PATJ: variants seen among roughly 807,000 people sequenced by gnomAD.
PATJ encodes the protein inaD-like protein.
PATJ carries 190 observed loss-of-function variants against 224.9 expected under a neutral mutation model. The ratio of observed to expected loss-of-function variants is 0.84; its 90% confidence interval spans 0.75 to 0.95. The LOEUF is 0.95. Ranked by LOEUF, PATJ falls within the 40% of genes least tolerant of loss-of-function variation. The pLI is 0.00. For missense variants in PATJ, 2,121 were observed against 2,270.3 expected (o/e 0.93, Z 1.34); for synonymous variants, 769 against 820.3 (o/e 0.94, Z 1.07).
Position 62,017,942 on chromosome 1 carries a change from C to A in PATJ, c.3954C>A (p.Phe1318Leu). ...KTAPSKVKLV[F>L]IRNEDAVNQM... ...CCCCATCAAAGGTCAAGCTGGTTTT[C>A]ATCAGGTAAGATTGCTAGATCTGGT... is the stretch of plus-strand genomic sequence containing the variant. The change falls in exon 29 of 44, where the codon TTC becomes TTA. Residue 1318 changes from phenylalanine to leucine, a missense_variant. Physicochemically the swap from Phe to Leu is conservative, Grantham distance 22. Coordinates refer to ENST00000642238, the MANE Select transcript of PATJ (RefSeq NM_001350145.3). 6.3e-7 allele frequency: 1 copy of A among 1,599,850 alleles called. No homozygotes were observed. The highest frequency in any genetic ancestry group is 8.6e-7 in the Non-Finnish European group (1 of 1,167,016).
chr1:61,999,670 AAAAAC>A (rs1002345330), intron 28 of PATJ, among the ~76,000 whole-genome samples: 4 of 152,106 alleles, frequency 2.6e-5, no homozygotes, highest in Non-Finnish European at 5.9e-5. Flanking sequence ...TCTATCTCAA[AAAAAC>A]AAACAAAACA....
intron 17 of PATJ, among the ~76,000 whole-genome samples, chr1:61,854,985 A>G (rs1418433180): frequency 6.6e-6 from 1 of 152,166 alleles, no homozygotes; most frequent in Non-Finnish European, 1.5e-5. Flanking sequence ...CTATATCATA[A>G]TTTTAGGTCA....
intron 16 of PATJ, among the ~76,000 whole-genome samples, chr1:61,828,812 A>G (rs1658795453): frequency 6.6e-6 from 1 of 152,162 alleles, no homozygotes. Flanking sequence ...GTTCAGATTC[A>G]TGGGGCCTTT....
At chr1:62,117,342 T>C in intron 37 of PATJ, 124 bp downstream of exon 37, 1 of 1,460,878 alleles carries the variant, frequency 6.8e-7, no homozygotes, top group Non-Finnish European at 9.0e-7. Context: ...GCACCAAGTT[T>C]AGTGAACTTT....
intron 28 of PATJ, chr1:62,013,309 T>C: frequency 2.0e-6 from 2 of 983,322 alleles, no homozygotes; most frequent in Non-Finnish European, 2.4e-6. Flanking sequence ...CTCAAGCGTT[T>C]TGCTGATCAA....
intron 17 of PATJ, 61 bp from the exon 18 acceptor site, chr1:61,855,969 C>T (rs1458433230): frequency 7.9e-7 from 1 of 1,269,138 alleles, no homozygotes; most frequent in Non-Finnish European, 1.1e-6. Flanking sequence ...TCAAGCTGTC[C>T]TAAGGCTGCA....
chr1:61,950,087 C>T (rs925218901), intron 27 of PATJ, among the ~76,000 whole-genome samples: 2 of 151,990 alleles, frequency 1.3e-5, no homozygotes, highest in Non-Finnish European at 2.9e-5. Flanking sequence ...GCCTGTAATC[C>T]CAGCTACTGG....
intron 43 of PATJ, among the ~76,000 whole-genome samples, chr1:62,155,815 T>C (rs1186604318): frequency 3.3e-5 from 5 of 151,698 alleles, no homozygotes; most frequent in Non-Finnish European, 7.4e-5. Context: ...CCCAGCACTT[T>C]GGGAGGCCGA....
chr1:61,896,816 C>G (rs574550432), intron 22 of PATJ, among the ~76,000 whole-genome samples: 27 of 152,312 alleles, frequency 1.8e-4, no homozygotes, highest in Admixed American at 5.2e-4. Flanking sequence ...CCCCTGTGCA[C>G]TCTCTCCTGC....
At position 62,106,162 on chromosome 1, in the gene PATJ, A is replaced by G. The variant is rs866319759; in HGVS notation, c.4378-2275A>G. On this transcript the variant is annotated intron_variant, in intron 33 of 43. Transcript: ENST00000642238. ...TGTGTATATGTGTGTGTGTGTGTAT[A>G]TATATATATATATATATATATATAT... 1.4e-3 allele frequency among the ~76,000 whole-genome samples: 102 copies of G among 74,972 alleles called. 8 individuals are homozygous for G. The highest frequency in any genetic ancestry group is 2.1e-3 in the African/African-American group (41 of 19,934). The allele number at this position is 74,972 out of a possible 152,430, so 49.2% of individuals were successfully genotyped here. A position where few individuals can be genotyped will look rare whatever the true frequency, so the allele number is the denominator to read the frequency against.
intron 1 of PATJ, among the ~76,000 whole-genome samples, chr1:61,761,322 C>G (rs1036677511): frequency 4.6e-5 from 7 of 152,068 alleles, no homozygotes; most frequent in Non-Finnish European, 2.9e-5. Context: ...AACCATACCC[C>G]CTTCAAGACA....
At chr1:61,798,127 A>G (rs1651729792) in intron 11 of PATJ, among the ~76,000 whole-genome samples, 1 of 152,160 alleles carries the variant, frequency 6.6e-6, no homozygotes, top group Admixed American at 6.5e-5. Flanking sequence ...TACTTTTAAC[A>G]ATATATTTTA....
At position 61,769,401 on chromosome 1, in the gene PATJ, A is replaced by C; in HGVS notation, c.503A>C (p.Gln168Pro). ...GTTGATATCTTCGTGAAGGATGTCC[A>C]GCCAGGGAGTGTAGCAGACAGGTGA... ...GKVDIFVKDV[Q>P]PGSVADRDQR... The change falls in exon 5 of 44, where the codon CAG becomes CCG. Residue 168 changes from glutamine to proline, a missense_variant. By Grantham distance (76) the Gln-to-Pro change is moderately conservative. Transcript: ENST00000642238. The C allele has an allele frequency of 6.2e-7, 1 of 1,614,134 alleles. No homozygotes were observed. The highest frequency in any genetic ancestry group is 8.5e-7 in the Non-Finnish European group (1 of 1,179,988).
At chr1:61,869,339 C>T (rs751134249) in intron 20 of PATJ, among the ~76,000 whole-genome samples, 1 of 151,998 alleles carries the variant, frequency 6.6e-6, no homozygotes, top group Non-Finnish European at 1.5e-5. Context: ...ATCTCCTGAC[C>T]TCGTGATCCG....
chr1:61,768,606 A>T (rs1646427309), intron 4 of PATJ, among the ~76,000 whole-genome samples: 1 of 152,050 alleles, frequency 6.6e-6, no homozygotes, highest in Non-Finnish European at 1.5e-5. Flanking sequence ...CTCATTTAAA[A>T]ATATATTTTG....
At chr1:61,930,777 A>G (rs1401897865) in intron 27 of PATJ, among the ~76,000 whole-genome samples, 1 of 152,026 alleles carries the variant, frequency 6.6e-6, no homozygotes, top group Non-Finnish European at 1.5e-5. Flanking sequence ...GCATGATCTC[A>G]GCTCACTGCA....
intron 17 of PATJ, among the ~76,000 whole-genome samples, chr1:61,854,978 T>C (rs1663416825): frequency 6.6e-6 from 1 of 152,220 alleles, no homozygotes; most frequent in Non-Finnish European, 1.5e-5. Flanking sequence ...AAGGGTACTA[T>C]ATCATAATTT....
intron 30 of PATJ, among the ~76,000 whole-genome samples, chr1:62,039,820 G>A (rs889125212): frequency 1.3e-5 from 2 of 152,118 alleles, no homozygotes; most frequent in Non-Finnish European, 2.9e-5. Flanking sequence ...TGCTAGCTCC[G>A]GTGCCTTATC....
chr1:62,054,597 T>C (rs1165065468), intron 31 of PATJ, among the ~76,000 whole-genome samples: 3 of 152,154 alleles, frequency 2.0e-5, no homozygotes, highest in Admixed American at 6.5e-5. Flanking sequence ...TAGATTCTGA[T>C]TGTGAGAGAC....
Sources: gnomAD v4.1 joint callset for allele counts (sites outside exome capture counted in the v4.1 genomes callset) on GRCh38, gnomAD v4.1.1 for gene constraint, MANE v1.5 for transcripts, NCBI Gene and HGNC (gene_info 2026-07-23, HGNC 2026-07-21) for gene names.